SHMT1: variants seen among roughly 807,000 people sequenced by gnomAD.
SHMT1 encodes the protein serine hydroxymethyltransferase, cytosolic.
In SHMT1, 45 loss-of-function variants were observed where a neutral mutation model predicts 49.0. The ratio of observed to expected loss-of-function variants is 0.92; its 90% CI spans 0.72 to 1.18. The LOEUF is 1.18. Among genes scored for constraint, SHMT1 ranks in the 50% most tolerant of loss-of-function variants. The probability of loss-of-function intolerance (pLI) is 0.00; values close to 1 mark genes in which losing one functional copy is unlikely to be tolerated. For synonymous variants in SHMT1, 232 were observed against 246.6 expected, an observed-to-expected ratio of 0.94 and a Z score of 0.55; for missense variants, 541 against 612.4, an observed-to-expected ratio of 0.88 and a Z score of 1.23.
chr17:18,329,715 G>A (rs1453237157), intron 10 of SHMT1, among the ~76,000 whole-genome samples: 3 of 152,062 alleles, frequency 2.0e-5, no homozygotes, highest in South Asian at 4.2e-4. Flanking sequence ...TCTGGATTCC[G>A]GAGGCCCTGA....
Position 18,328,353 on chromosome 17 carries a change from G to A in SHMT1, c.*397C>T, listed in dbSNP as rs1414556243. On this transcript the variant is annotated 3_prime_UTR_variant, in exon 12 of 12. Coordinates refer to ENST00000316694, the MANE Select transcript of SHMT1 (RefSeq NM_004169.5). ...GAGGGGGCAGTGTGTACAAGCTGTGGACATGGGCATTTCCTCTCTGTTGCA... is the reference window on the plus strand; with the variant it reads ...GAGGGGGCAGTGTGTACAAGCTGTGAACATGGGCATTTCCTCTCTGTTGCA... 2 of 286,788 alleles carry A rather than the reference G, an allele frequency of 7.0e-6. No individual in the cohort carries two copies. The allele number at this position is 286,788 out of a possible 1,614,324, so 17.8% of individuals were successfully genotyped here.
intron 5 of SHMT1, chr17:18,341,157 G>A: frequency 2.9e-6 from 1 of 343,770 alleles, no homozygotes; most frequent in South Asian, 3.1e-5. Flanking sequence ...CAAAATGCCT[G>A]CTAATACTAC....
At chr17:18,341,647 GAA>G (rs34396945) in intron 5 of SHMT1, 6 of 41,858 alleles carry the variant, frequency 1.4e-4, no homozygotes, top group East Asian at 6.2e-4. Context: ...GACTCCATCT[GAA>G]AAAAAAAAAA....
At position 18,357,920 on chromosome 17, in the gene SHMT1, G is replaced by A. The variant is rs1459911735; in HGVS notation, c.-19-1920C>T. ...ACTCTGTCGCCCAGGCTGGAGTACA[G>A]TGGCGCGATCTCGGCTCACTGCAAG... On this transcript the variant is annotated intron_variant, in intron 1 of 11. Transcript: ENST00000316694. Among the ~76,000 whole-genome samples the A allele has an allele frequency of 7.0e-5, 10 of 143,452 alleles. No homozygotes were observed. The East Asian group carries it at 2.0e-3, about 29-fold the overall frequency. 94.1% of individuals were successfully genotyped at this position (143,452 alleles called of 152,430 possible).
chr17:18,348,512 G>A (rs1189010750), intron 3 of SHMT1, 72 bp from the exon 4 acceptor site: 1 of 1,080,574 alleles, frequency 9.3e-7, no homozygotes, highest in Non-Finnish European at 1.4e-6. Flanking sequence ...GGCCAAAGAA[G>A]CTTAGGGGTG....
At position 18,358,215 on chromosome 17, in the gene SHMT1, G is replaced by C. The variant is rs113972910; in HGVS notation, c.-19-2215C>G. Among the ~76,000 whole-genome samples, 1,508 of 151,368 alleles carry C rather than the reference G, an allele frequency of 1.0e-2. 30 individuals are homozygous for C. The highest frequency in any genetic ancestry group is 0.035 in the African/African-American group (1,444 of 41,324). On this transcript the variant is annotated intron_variant, in intron 1 of 11. Coordinates refer to ENST00000316694, the MANE Select transcript of SHMT1 (RefSeq NM_004169.5). ...TTAGAAAAGTGAAATATTGTGGCTG[G>C]GCGCAGTGGCTCATGCCTGTAATCC... is the stretch of plus-strand genomic sequence containing the variant.
chr17:18,329,985 C>T (rs909053852), intron 10 of SHMT1, among the ~76,000 whole-genome samples: 2 of 152,162 alleles, frequency 1.3e-5, no homozygotes, highest in Non-Finnish European at 2.9e-5. Flanking sequence ...CCTCAGCCTC[C>T]TGAGTAGCTG....
intron 3 of SHMT1, among the ~76,000 whole-genome samples, chr17:18,352,348 G>A (rs936122637): frequency 3.9e-5 from 6 of 151,990 alleles, no homozygotes; most frequent in East Asian, 1.9e-4. Flanking sequence ...GGGTTTCACC[G>A]TGTTAGCCAG....
Position 18,340,020 on chromosome 17 carries a change from G to A in SHMT1, c.814+23C>T, listed in dbSNP as rs749330541. 4 of 1,608,860 alleles carry A rather than the reference G, an allele frequency of 2.5e-6. No individual in the cohort carries two copies. The highest frequency in any genetic ancestry group is 2.2e-5 in the East Asian group (1 of 44,888). On this transcript the variant is annotated intron_variant, in intron 7 of 11. Transcript: ENST00000316694. The surrounding 1 kb of genome is among the most constrained non-coding windows in gnomAD (Gnocchi z 4.5). ...GAAATGTAAACCATGGTACCCATCT[G>A]TACCCAACATTCGGGAGCTCACCTT... is the stretch of plus-strand genomic sequence containing the variant.
At chr17:18,342,096 T>G (rs1984583030) in intron 5 of SHMT1, among the ~76,000 whole-genome samples, 1 of 152,052 alleles carries the variant, frequency 6.6e-6, no homozygotes, top group Admixed American at 6.6e-5. Flanking sequence ...ACATGTGCAC[T>G]CCCATGTTCA....
intron 9 of SHMT1, 53 bp from the exon 10 acceptor site, chr17:18,330,724 G>C: frequency 3.8e-6 from 5 of 1,304,756 alleles, no homozygotes; most frequent in Non-Finnish European, 5.6e-6. Flanking sequence ...TGCCGTGAAG[G>C]AATCTCTGAG....
intron 4 of SHMT1, 133 bp downstream of exon 4, chr17:18,348,191 AT>A: frequency 1.4e-6 from 1 of 717,572 alleles, no homozygotes. Flanking sequence ...AAGTGCTGGG[AT>A]TACAGGCGTG....
At chr17:18,356,234 A>C (rs915375356) in intron 1 of SHMT1, among the ~76,000 whole-genome samples, 12 of 151,416 alleles carry the variant, frequency 7.9e-5, no homozygotes, top group Admixed American at 7.9e-4. Flanking sequence ...AGTAGAGACG[A>C]GGTTTCACTG....
chr17:18,329,423 A>AG, intron 10 of SHMT1, 35 bp from the exon 11 acceptor site: 1 of 1,516,174 alleles, frequency 6.6e-7, no homozygotes, highest in Non-Finnish European at 9.1e-7. Context: ...CCTAAGTCAC[A>AG]TTGTCACCAC....
At chr17:18,333,356 C>T in intron 8 of SHMT1, 68 bp from the exon 9 acceptor site, 1 of 1,525,942 alleles carries the variant, frequency 6.6e-7, no homozygotes, top group Non-Finnish European at 9.0e-7. Context: ...AGTCAAACAA[C>T]ATTCCTGTTT....
chr17:18,345,590 T>G (rs1250236056), intron 5 of SHMT1, among the ~76,000 whole-genome samples: 1 of 152,124 alleles, frequency 6.6e-6, no homozygotes, highest in African/African-American at 2.4e-5. Context: ...TTGGCCAGGC[T>G]GGTCTTGAAC....
intron 7 of SHMT1, among the ~76,000 whole-genome samples, chr17:18,339,686 G>A (rs965314818): frequency 1.3e-5 from 2 of 151,910 alleles, no homozygotes; most frequent in African/African-American, 4.8e-5. Flanking sequence ...TTCGCCTCCT[G>A]AGTAGCTGGG....
intron 7 of SHMT1, among the ~76,000 whole-genome samples, chr17:18,339,806 C>T (rs1984285546): frequency 6.6e-6 from 1 of 152,150 alleles, no homozygotes; most frequent in African/African-American, 2.4e-5. Flanking sequence ...GTGATCTGCC[C>T]GCTTCGGCCT....
At chr17:18,333,131 A>T (rs1330847155) in intron 9 of SHMT1, 35 bp downstream of exon 9, 8 of 1,612,956 alleles carry the variant, frequency 5.0e-6, no homozygotes, top group Middle Eastern at 1.6e-4. Flanking sequence ...TACAACCACA[A>T]GAACAGGCCT....
Sources: allele counts gnomAD v4.1 joint callset (sites outside exome capture counted in the v4.1 genomes callset), GRCh38; gene constraint gnomAD v4.1.1; non-coding constraint Gnocchi (gnomAD v3.1); transcripts MANE v1.5; gene names NCBI Gene and HGNC (gene_info 2026-07-23, HGNC 2026-07-21).